The following FBXW11 variants were observed in gnomAD, a reference collection of about 807,000 sequenced individuals.
The protein encoded by FBXW11 is F-box and WD repeat domain containing 11, also known as F-box/WD repeat-containing protein 11.
FBXW11 carries 19 observed loss-of-function variants against 77.6 expected under a neutral mutation model. The observed-to-expected ratio is 0.24, with a 90% CI of 0.17 to 0.36. FBXW11 has a LOEUF of 0.36. Ranked by LOEUF, FBXW11 falls within the 10% of genes least tolerant of loss-of-function variation. The pLI is 1.00. For missense variants in FBXW11, 334 were observed against 704.2 expected (o/e 0.47, Z 5.95); for synonymous variants, 235 against 249.4 (o/e 0.94, Z 0.54).
At chr5:171,890,108 G>A (rs1759232278) in intron 7 of FBXW11, among the ~76,000 whole-genome samples, 1 of 152,058 alleles carries the variant, frequency 6.6e-6, no homozygotes, top group East Asian at 1.9e-4. Context: ...CACATAAAAA[G>A]ATGCTCACTA....
intron 1 of FBXW11, among the ~76,000 whole-genome samples, chr5:171,987,217 AT>A (rs1765495388): frequency 6.6e-6 from 1 of 152,150 alleles, no homozygotes; most frequent in Non-Finnish European, 1.5e-5. Context: ...AAAGTTCAAG[AT>A]TTAGTTATAA....
chr5:171,987,060 T>C lies in FBXW11; in HGVS notation c.45+19398A>G, dbSNP rs2113527823. Among the ~76,000 whole-genome samples, 2 of 152,316 alleles carry C rather than the reference T, an allele frequency of 1.3e-5. 1 individual carries two copies. Among genetic ancestry groups the C allele is most frequent in the South Asian group, 4.1e-4 (2 of 4,824 alleles). On this transcript the variant is annotated intron_variant, in intron 1 of 13. Coordinates refer to ENST00000517395, the MANE Select transcript of FBXW11 (RefSeq NM_001378974.1). ...GCGCATGTGAGGGATCTACGTTGCA[T>C]GCTCTTTAAGAGAATCCAGCTAATG... is the stretch of plus-strand genomic sequence containing the variant.
intron 7 of FBXW11, among the ~76,000 whole-genome samples, chr5:171,878,586 GTGTGTA>G (rs1365273191): frequency 5.6e-4 from 39 of 70,042 alleles, no homozygotes; most frequent in East Asian, 1.1e-3. Flanking sequence ...GTGTGTGTGT[GTGTGTA>G]AGAGAGAGAG....
At chr5:171,881,780 A>G (rs895686932) in intron 7 of FBXW11, among the ~76,000 whole-genome samples, 55 of 152,314 alleles carry the variant, frequency 3.6e-4, no homozygotes, top group Non-Finnish European at 6.0e-4. Context: ...CAGATTACCT[A>G]TTTGTTTTTA....
chr5:171,922,896 C>T (rs1272333741), intron 2 of FBXW11, among the ~76,000 whole-genome samples: 2 of 151,848 alleles, frequency 1.3e-5, no homozygotes, highest in Non-Finnish European at 2.9e-5. Flanking sequence ...CATCACCAAT[C>T]GTGTGTGTGC....
At chr5:171,958,311 A>G (rs1454661998) in intron 1 of FBXW11, among the ~76,000 whole-genome samples, 3 of 152,198 alleles carry the variant, frequency 2.0e-5, no homozygotes, top group Admixed American at 6.5e-5. Context: ...GTGAAAACTT[A>G]TATCACCCCA....
Position 171,983,063 on chromosome 5 carries a change from C to A in FBXW11, c.45+23395G>T, listed in dbSNP as rs988121920. ...AAAAAAATGAAAAATTAACCGAGTGCACACCTGTGATCCAAGCTACTCAGG... is the reference window on the plus strand; with the variant it reads ...AAAAAAATGAAAAATTAACCGAGTGAACACCTGTGATCCAAGCTACTCAGG... On this transcript the variant is annotated intron_variant, in intron 1 of 13. Transcript: ENST00000517395. Among the ~76,000 whole-genome samples the A allele has an allele frequency of 2.0e-5, 3 of 152,046 alleles. No homozygotes were observed. In the South Asian group the frequency reaches 6.2e-4, roughly 32 times the overall value.
intron 6 of FBXW11, among the ~76,000 whole-genome samples, chr5:171,893,799 T>A (rs772668635): frequency 6.6e-6 from 1 of 152,160 alleles, no homozygotes; most frequent in African/African-American, 2.4e-5. Flanking sequence ...ATACATAATA[T>A]GTCTTTACAT....
intron 2 of FBXW11, among the ~76,000 whole-genome samples, chr5:171,931,342 C>T (rs1302209757): frequency 6.6e-6 from 1 of 152,200 alleles, no homozygotes; most frequent in Non-Finnish European, 1.5e-5. Context: ...CAACAGAATA[C>T]AGAGCTAGGT....
At position 171,872,853 on chromosome 5, in the gene FBXW11, C is replaced by T. The variant is rs1757841201; in HGVS notation, c.1340+19G>A. On this transcript the variant is annotated intron_variant, in intron 10 of 13. Transcript: ENST00000517395. ...GGCAAAAATCAGCCTGCTCTGTCAG[C>T]ACACCAACTTCTACCCACCTAATGG... 6.3e-7 allele frequency: 1 copy of T among 1,585,842 alleles called. No homozygotes were observed. The highest frequency in any genetic ancestry group is 8.7e-7 in the Non-Finnish European group (1 of 1,155,046).
intron 2 of FBXW11, among the ~76,000 whole-genome samples, chr5:171,928,569 A>C (rs1448092092): frequency 6.6e-6 from 1 of 152,242 alleles, no homozygotes. Flanking sequence ...GACCAACGGG[A>C]CAGAATGGAA....
chr5:172,002,996 C>G (rs1396918455), intron 1 of FBXW11, among the ~76,000 whole-genome samples: 1 of 152,104 alleles, frequency 6.6e-6, no homozygotes, highest in African/African-American at 2.4e-5. Context: ...CCTGCCCACA[C>G]CTTCTTAATA....
At chr5:171,953,553 G>GA (rs1013687481) in intron 2 of FBXW11, among the ~76,000 whole-genome samples, 2 of 152,044 alleles carry the variant, frequency 1.3e-5, no homozygotes, top group Admixed American at 1.3e-4. Flanking sequence ...CCTAGCCCTG[G>GA]AATCTAAGAC....
intron 1 of FBXW11, among the ~76,000 whole-genome samples, chr5:171,989,496 G>A (rs1561753846): frequency 6.6e-6 from 1 of 152,232 alleles, no homozygotes; most frequent in East Asian, 1.9e-4. Context: ...GTTTAACCTG[G>A]ATGCATCTCA....
intron 4 of FBXW11, among the ~76,000 whole-genome samples, chr5:171,905,022 T>C (rs753422295): frequency 6.6e-6 from 1 of 152,224 alleles, no homozygotes; most frequent in Non-Finnish European, 1.5e-5. Context: ...ATAAATCCCT[T>C]ACTAATACTT....
At chr5:171,933,404 G>A (rs1561697980) in intron 2 of FBXW11, among the ~76,000 whole-genome samples, 2 of 152,180 alleles carry the variant, frequency 1.3e-5, no homozygotes, top group Non-Finnish European at 2.9e-5. Context: ...AAACTATTCT[G>A]TATGATACTG....
intron 2 of FBXW11, among the ~76,000 whole-genome samples, chr5:171,931,351 G>A (rs1428461492): frequency 6.6e-6 from 1 of 152,182 alleles, no homozygotes; most frequent in Non-Finnish European, 1.5e-5. Flanking sequence ...ACAGAGCTAG[G>A]TCAATGGAAT....
intron 4 of FBXW11, among the ~76,000 whole-genome samples, chr5:171,900,467 C>T (rs1426882075): frequency 1.3e-5 from 2 of 152,122 alleles, no homozygotes; most frequent in African/African-American, 4.8e-5. Context: ...AGGTAAAGAA[C>T]TCAAGATTTT....
intron 5 of FBXW11, 149 bp downstream of exon 5, chr5:171,899,765 A>T: frequency 1.5e-6 from 1 of 653,790 alleles, no homozygotes; most frequent in Non-Finnish European, 2.6e-6. Flanking sequence ...TAACAGCTTT[A>T]ACTTTTTCTT....
Sources: gnomAD v4.1 joint callset for allele counts (sites outside exome capture counted in the v4.1 genomes callset) on GRCh38, gnomAD v4.1.1 for gene constraint, MANE v1.5 for transcripts, NCBI Gene and HGNC (gene_info 2026-07-23, HGNC 2026-07-21) for gene names.